The following FHIT variants were observed in gnomAD, a reference collection of about 807,000 sequenced individuals.
FHIT encodes the protein bis(5'-adenosyl)-triphosphatase.
FHIT carries 19 observed loss-of-function variants against 17.9 expected under a neutral mutation model. The observed-to-expected ratio is 1.06, with a 90% CI of 0.74 to 1.56. FHIT has a LOEUF of 1.56. Ranked by LOEUF, FHIT falls within the 40% of genes most tolerant of loss-of-function variation. The probability of loss-of-function intolerance (pLI) is 0.00; values close to 1 mark genes in which losing one functional copy is unlikely to be tolerated. For synonymous variants in FHIT, 81 were observed against 69.7 expected (o/e 1.16, Z -0.81); for missense variants, 248 against 189.2 (o/e 1.31, Z -1.82).
At chr3:60,609,644 T>C (rs2038721453) in intron 4 of FHIT, among the ~76,000 whole-genome samples, 1 of 152,132 alleles carries the variant, frequency 6.6e-6, no homozygotes, top group Admixed American at 6.5e-5. Context: ...TTGCTTCTTA[T>C]GGAAAAGCAT....
intron 4 of FHIT, among the ~76,000 whole-genome samples, chr3:60,756,433 C>A (rs547274452): frequency 3.3e-5 from 5 of 152,300 alleles, no homozygotes; most frequent in Admixed American, 2.0e-4. Flanking sequence ...GATGAGTCTG[C>A]AATTCGTCAT....
Position 60,522,221 on chromosome 3 carries a change from G to A in FHIT, c.103+14639C>T, listed in dbSNP as rs775139213. ...GCCCCCCTGAGTTCAAGCAATTATC[G>A]TGTCTCAGCCTCCTGAGAAGCTGGG... On this transcript the variant is annotated intron_variant, in intron 5 of 9. Transcript: ENST00000492590. Among the ~76,000 whole-genome samples the A allele has an allele frequency of 1.1e-4, 16 of 147,944 alleles. 1 individual carries two copies. Among genetic ancestry groups the A allele is most frequent in the Non-Finnish European group, 1.6e-4 (11 of 67,406 alleles).
At chr3:60,249,689 G>GACACAC (rs59885844) in intron 5 of FHIT, among the ~76,000 whole-genome samples, 1,517 of 137,374 alleles carry the variant, frequency 0.011, 29 homozygotes, top group Non-Finnish European at 0.012. Flanking sequence ...ATACAGCCAA[G>GACACAC]ACACACACAC....
intron 7 of FHIT, among the ~76,000 whole-genome samples, chr3:59,972,142 G>A (rs749306026): frequency 2.6e-5 from 4 of 152,084 alleles, no homozygotes; most frequent in Non-Finnish European, 1.5e-5. Flanking sequence ...GTCCTAGTGA[G>A]GATGGGTACT....
At chr3:60,187,227 CT>C (rs1196596216) in intron 5 of FHIT, among the ~76,000 whole-genome samples, 2 of 152,068 alleles carry the variant, frequency 1.3e-5, no homozygotes, top group African/African-American at 2.4e-5. Context: ...GTGAAACCCC[CT>C]AATGTCAAAC....
At chr3:60,783,096 G>A (rs1268929803) in intron 4 of FHIT, among the ~76,000 whole-genome samples, 1 of 152,036 alleles carries the variant, frequency 6.6e-6, no homozygotes, top group African/African-American at 2.4e-5. Context: ...TGATTTTCCT[G>A]TCTCAGCCTC....
chr3:60,615,890 T>C (rs2038936722), intron 4 of FHIT, among the ~76,000 whole-genome samples: 1 of 152,184 alleles, frequency 6.6e-6, no homozygotes, highest in Admixed American at 6.5e-5. Context: ...AGTTTACCAA[T>C]AAGAATAGAG....
intron 5 of FHIT, among the ~76,000 whole-genome samples, chr3:60,106,606 G>C (rs1704425649): frequency 6.6e-6 from 1 of 152,146 alleles, no homozygotes. Flanking sequence ...GGATAAGGGG[G>C]TACTGTTGTA....
At chr3:59,953,351 C>G (rs1252497023) in intron 7 of FHIT, among the ~76,000 whole-genome samples, 2 of 151,904 alleles carry the variant, frequency 1.3e-5, no homozygotes, top group African/African-American at 4.8e-5. Flanking sequence ...GTGTGCATGT[C>G]CTCCTCCTCC....
intron 8 of FHIT, among the ~76,000 whole-genome samples, chr3:59,824,297 G>A (rs1700900263): frequency 6.6e-6 from 1 of 152,158 alleles, no homozygotes; most frequent in South Asian, 2.1e-4. Flanking sequence ...AAAAAAGAAT[G>A]GGAATAGAGG....
At chr3:60,130,784 G>GTATATACATACATATGTGTGTGTGT (rs148356992) in intron 5 of FHIT, among the ~76,000 whole-genome samples, 1 of 111,628 alleles carries the variant, frequency 9.0e-6, no homozygotes, top group African/African-American at 3.0e-5. Flanking sequence ...GTGTGTGTGT[G>GTATATACATACATATGTGTGTGTGT]GTGTGTATAT....
intron 2 of FHIT, among the ~76,000 whole-genome samples, chr3:61,118,360 T>C (rs533366701): frequency 6.6e-6 from 1 of 152,162 alleles, no homozygotes; most frequent in Admixed American, 6.6e-5. Flanking sequence ...GTCTGAGATG[T>C]GAGCAGAGCA....
At chr3:60,373,473 G>T (rs189005224) in intron 5 of FHIT, among the ~76,000 whole-genome samples, 1 of 152,160 alleles carries the variant, frequency 6.6e-6, no homozygotes, top group Non-Finnish European at 1.5e-5. Context: ...AATAAGCAGA[G>T]CCACCATCAT....
rs59677556 is a variant in FHIT, at chr3:60,528,574, C to T, written c.103+8286G>A. Among the ~76,000 whole-genome samples the T allele has an allele frequency of 1.7e-4, 26 of 152,220 alleles. No homozygotes were observed. In the East Asian group the frequency reaches 5.0e-3, roughly 29 times the overall value. ...GATACGAAGAAAGAGTTCTGTTGGT[C>T]TTAATTAATCAGCTAACCTACAACT... On this transcript the variant is annotated intron_variant, in intron 5 of 9. Transcript: ENST00000492590.
At chr3:59,809,330 C>T (rs578216739) in intron 8 of FHIT, among the ~76,000 whole-genome samples, 3 of 152,330 alleles carry the variant, frequency 2.0e-5, no homozygotes, top group Non-Finnish European at 4.4e-5. Flanking sequence ...AGTGAATCTG[C>T]TGTAAGCCAA....
chr3:60,519,060 T>G (rs1007039496), intron 5 of FHIT, among the ~76,000 whole-genome samples: 2 of 152,086 alleles, frequency 1.3e-5, no homozygotes, highest in Non-Finnish European at 2.9e-5. Flanking sequence ...AACAATGAAG[T>G]AGGTTAAAAT....
intron 2 of FHIT, among the ~76,000 whole-genome samples, chr3:61,143,295 A>G (rs974239397): frequency 6.6e-6 from 1 of 152,202 alleles, no homozygotes; most frequent in Non-Finnish European, 1.5e-5. Flanking sequence ...ACAACTTGGT[A>G]TAAGTTTCTA....
At chr3:59,968,727 G>T (rs1843539) in intron 7 of FHIT, among the ~76,000 whole-genome samples, 147,167 of 152,260 alleles carry the variant, frequency 0.97, 71,325 homozygotes, top group East Asian at 1. Flanking sequence ...AGGTCAGCAT[G>T]TGCCAAAGTG....
chr3:61,016,109 T>C (rs2032091444), intron 3 of FHIT, among the ~76,000 whole-genome samples: 1 of 152,188 alleles, frequency 6.6e-6, no homozygotes, highest in African/African-American at 2.4e-5. Context: ...TTCATAAAAG[T>C]TGTAAACACA....
Sources: gnomAD v4.1 joint callset for allele counts (sites outside exome capture counted in the v4.1 genomes callset) on GRCh38, gnomAD v4.1.1 for gene constraint, MANE v1.5 for transcripts, NCBI Gene and HGNC (gene_info 2026-07-23, HGNC 2026-07-21) for gene names.